CTNNA2: variants seen among roughly 807,000 people sequenced by gnomAD.
CTNNA2 encodes the protein catenin alpha-2.
CTNNA2 carries 42 observed loss-of-function variants against 101.0 expected under a neutral mutation model. The ratio of observed to expected loss-of-function variants is 0.42; its 90% CI spans 0.32 to 0.54. The LOEUF (loss-of-function observed/expected upper bound fraction) is 0.54, where lower values mean the gene tolerates loss of function less well. Ranked by LOEUF, CTNNA2 falls within the 20% of genes least tolerant of loss-of-function variation. The probability of loss-of-function intolerance (pLI) is 0.14; values close to 1 mark genes in which losing one functional copy is unlikely to be tolerated. For missense variants in CTNNA2, 871 were observed against 1,223.1 expected (o/e 0.71, Z 4.29); for synonymous variants, 450 against 456.4 (o/e 0.99, Z 0.18).
chr2:79,361,279 G>C (rs1030784461), intron 3 of CTNNA2, among the ~76,000 whole-genome samples: 1 of 152,106 alleles, frequency 6.6e-6, no homozygotes, highest in African/African-American at 2.4e-5. Context: ...AAACAAACAA[G>C]AGTAGAGTTA....
chr2:80,173,767 G>A (rs1370710698), intron 7 of CTNNA2, among the ~76,000 whole-genome samples: 3 of 152,072 alleles, frequency 2.0e-5, no homozygotes, highest in South Asian at 4.2e-4. Flanking sequence ...GCATCAGGAG[G>A]TCTGCAGTTA....
chr2:79,201,997 C>T (rs968003087), intron 2 of CTNNA2, among the ~76,000 whole-genome samples: 4 of 152,040 alleles, frequency 2.6e-5, no homozygotes, highest in Non-Finnish European at 4.4e-5. Context: ...TATGGGACAA[C>T]TTGAAGTGGG....
intron 7 of CTNNA2, among the ~76,000 whole-genome samples, chr2:80,043,473 C>G (rs1574622177): frequency 6.6e-6 from 1 of 152,238 alleles, no homozygotes; most frequent in East Asian, 1.9e-4. Flanking sequence ...GCTGGGATTA[C>G]AGGCGTGAGC....
intron 2 of CTNNA2, among the ~76,000 whole-genome samples, chr2:79,739,844 G>A (rs1671165854): frequency 6.6e-6 from 1 of 152,150 alleles, no homozygotes; most frequent in Non-Finnish European, 1.5e-5. Context: ...TATGCAAAAG[G>A]TGACTGCACT....
At chr2:79,357,827 A>T (rs978481981) in intron 3 of CTNNA2, among the ~76,000 whole-genome samples, 5 of 152,188 alleles carry the variant, frequency 3.3e-5, no homozygotes, top group African/African-American at 1.2e-4. Flanking sequence ...ACATTATTAA[A>T]ATTGGAATTC....
intron 7 of CTNNA2, among the ~76,000 whole-genome samples, chr2:80,118,735 C>A (rs1701664289): frequency 1.3e-5 from 2 of 152,172 alleles, no homozygotes; most frequent in African/African-American, 4.8e-5. Flanking sequence ...GAGCTGGTTA[C>A]TTTTTGGCTA....
At chr2:79,424,084 G>A (rs1001847062) in intron 4 of CTNNA2, among the ~76,000 whole-genome samples, 3 of 152,100 alleles carry the variant, frequency 2.0e-5, no homozygotes, top group African/African-American at 4.8e-5. Flanking sequence ...TACTCCAGGA[G>A]GTCAAGAGAG....
chr2:80,618,791 C>T (rs952965175), intron 17 of CTNNA2: 3 of 215,900 alleles, frequency 1.4e-5, no homozygotes, highest in Admixed American at 5.8e-5. Flanking sequence ...CCTTTGAGCC[C>T]CACTATAGTT....
At chr2:79,187,724 G>A (rs1474242700) in intron 1 of CTNNA2, among the ~76,000 whole-genome samples, 10 of 152,096 alleles carry the variant, frequency 6.6e-5, no homozygotes, top group Admixed American at 6.6e-4. Flanking sequence ...AATAATCAAA[G>A]GCAGTATGAA....
rs573895548 is a variant in CTNNA2 at position 80,018,040 on chromosome 2, A to G, written c.1056+108243A>G. ...AAAATTTAAGCAATTGTTAGTGTTT[A>G]GGAAAGCATAAATATGTTCATGATT... On this transcript the variant is annotated intron_variant, in intron 7 of 18. Coordinates refer to ENST00000402739, the MANE Select transcript of CTNNA2 (RefSeq NM_001282597.3). Among the ~76,000 whole-genome samples the G allele has an allele frequency of 5.9e-5, 9 of 152,338 alleles. No individual in the cohort carries two copies. The East Asian group carries it at 1.5e-3, about 26-fold the overall frequency.
chr2:79,435,213 A>G (rs913027392), intron 4 of CTNNA2, among the ~76,000 whole-genome samples: 4 of 152,116 alleles, frequency 2.6e-5, no homozygotes, highest in African/African-American at 9.7e-5. Context: ...AGGTTAAAAT[A>G]CCTGCATTAA....
At chr2:80,100,949 A>G (rs1700506096) in intron 7 of CTNNA2, among the ~76,000 whole-genome samples, 1 of 152,188 alleles carries the variant, frequency 6.6e-6, no homozygotes, top group Non-Finnish European at 1.5e-5. Flanking sequence ...TTCATAGAAC[A>G]TATTTCATAA....
intron 2 of CTNNA2, among the ~76,000 whole-genome samples, chr2:79,671,932 A>G (rs972442034): frequency 7.2e-5 from 11 of 152,228 alleles, no homozygotes; most frequent in Non-Finnish European, 1.6e-4. Context: ...TGTATAGCGG[A>G]ACATAAATAA....
intron 7 of CTNNA2, among the ~76,000 whole-genome samples, chr2:79,973,296 C>A (rs1690615671): frequency 6.6e-6 from 1 of 152,084 alleles, no homozygotes; most frequent in Non-Finnish European, 1.5e-5. Context: ...GGTAGGCATG[C>A]AGGCTGATGG....
At chr2:79,589,103 G>T (rs911098728) in intron 1 of CTNNA2, among the ~76,000 whole-genome samples, 2 of 152,188 alleles carry the variant, frequency 1.3e-5, no homozygotes, top group Non-Finnish European at 2.9e-5. Context: ...TCACCTGTTA[G>T]CTGGGAGGAA....
chr2:79,845,768 A>G (rs1427200955), intron 3 of CTNNA2, among the ~76,000 whole-genome samples: 1 of 152,140 alleles, frequency 6.6e-6, no homozygotes, highest in Non-Finnish European at 1.5e-5. Context: ...AATTTCGTTC[A>G]TTACCCATTG....
chr2:80,645,261 G>A (rs1463179975), intron 18 of CTNNA2, among the ~76,000 whole-genome samples: 1 of 152,116 alleles, frequency 6.6e-6, no homozygotes, highest in African/African-American at 2.4e-5. Flanking sequence ...AAAGGTGTTA[G>A]GTATTTAGCT....
chr2:80,322,293 T>C (rs1352588342), intron 7 of CTNNA2, among the ~76,000 whole-genome samples: 1 of 152,158 alleles, frequency 6.6e-6, no homozygotes, highest in African/African-American at 2.4e-5. Flanking sequence ...TACAGTGTCT[T>C]CCCTAAGCCC....
chr2:80,256,378 C>T (rs1387022031), intron 7 of CTNNA2, among the ~76,000 whole-genome samples: 1 of 152,146 alleles, frequency 6.6e-6, no homozygotes, highest in Non-Finnish European at 1.5e-5. Context: ...GTGCTGCTTT[C>T]ATCTCCCTGG....
Sources: gnomAD v4.1 joint callset for allele counts (sites outside exome capture counted in the v4.1 genomes callset) on GRCh38, gnomAD v4.1.1 for gene constraint, MANE v1.5 for transcripts, NCBI Gene and HGNC (gene_info 2026-07-23, HGNC 2026-07-21) for gene names.